The following CDC42SE2 variants were observed in gnomAD, a reference collection of about 807,000 sequenced individuals.
The protein encoded by CDC42SE2 is CDC42 small effector protein 2.
In CDC42SE2, 3 loss-of-function variants were observed where a neutral mutation model predicts 11.5. The observed-to-expected ratio is 0.26, with a 90% CI of 0.12 to 0.67. The LOEUF is 0.67. Ranked by LOEUF, CDC42SE2 falls within the 30% of genes least tolerant of loss-of-function variation. CDC42SE2 has a pLI of 0.80. For missense variants in CDC42SE2, 82 were observed against 106.8 expected (o/e 0.77, Z 1.02); for synonymous variants, 33 against 34.8 (o/e 0.95, Z 0.18).
Position 131,393,608 on chromosome 5 carries a change from C to T in CDC42SE2, c.*2517C>T, listed in dbSNP as rs887977046. The T allele has an allele frequency of 1.1e-4, 16 of 152,362 alleles. No homozygotes were observed. The highest frequency in any genetic ancestry group is 3.9e-4 in the African/African-American group (16 of 41,452). The allele number at this position is 152,362 out of a possible 1,614,324, so 9.4% of individuals were successfully genotyped here. Reference sequence around the variant, plus strand: ...GCACGGTCAGTTTCTTGGCCAGGGACATTGCTATGTGCTGTGTGCAAGCTC... The same window carrying T: ...GCACGGTCAGTTTCTTGGCCAGGGATATTGCTATGTGCTGTGTGCAAGCTC... On this transcript the variant is annotated 3_prime_UTR_variant, in exon 5 of 5. Coordinates refer to ENST00000505065, the MANE Select transcript of CDC42SE2 (RefSeq NM_001375635.1).
At chr5:131,330,991 C>G (rs965303685) in intron 2 of CDC42SE2, among the ~76,000 whole-genome samples, 28 of 151,950 alleles carry the variant, frequency 1.8e-4, no homozygotes, top group African/African-American at 6.8e-4. Context: ...GCACCATTGC[C>G]CTGCAGCCTG....
intron 3 of CDC42SE2, among the ~76,000 whole-genome samples, chr5:131,378,041 C>G (rs1364371919): frequency 6.6e-6 from 1 of 152,182 alleles, no homozygotes; most frequent in African/African-American, 2.4e-5. Context: ...GAAAATCAAA[C>G]TGTAAGCAAG....
At chr5:131,335,726 CCTT>C (rs1359190194) in intron 2 of CDC42SE2, among the ~76,000 whole-genome samples, 5 of 152,148 alleles carry the variant, frequency 3.3e-5, no homozygotes, top group East Asian at 1.9e-4. Flanking sequence ...TATGTAATGA[CCTT>C]CTTTGTCTCT....
intron 1 of CDC42SE2, among the ~76,000 whole-genome samples, chr5:131,247,929 C>T (rs538649060): frequency 3.3e-5 from 5 of 152,148 alleles, no homozygotes; most frequent in African/African-American, 1.2e-4. Context: ...CCATGAGCCA[C>T]CATGCCCAGC....
intron 2 of CDC42SE2, among the ~76,000 whole-genome samples, chr5:131,327,954 C>T (rs202108863): frequency 6.6e-6 from 1 of 152,216 alleles, no homozygotes; most frequent in East Asian, 1.9e-4. Flanking sequence ...TGTATTGGCT[C>T]ATGGTTTGGG....
intron 1 of CDC42SE2, among the ~76,000 whole-genome samples, chr5:131,294,897 G>C (rs1014070734): frequency 6.6e-6 from 1 of 152,164 alleles, no homozygotes; most frequent in African/African-American, 2.4e-5. Flanking sequence ...GGAGGCCGAG[G>C]TGGGCGGGTC....
At chr5:131,372,451 C>T (rs145742888) in intron 3 of CDC42SE2, among the ~76,000 whole-genome samples, 131 of 152,092 alleles carry the variant, frequency 8.6e-4, no homozygotes, top group African/African-American at 3.0e-3. Context: ...TGGTGGCTCA[C>T]GCCTGTAATC....
chr5:131,292,559 C>CAAAAAA (rs58166806), intron 1 of CDC42SE2, among the ~76,000 whole-genome samples: 5 of 117,880 alleles, frequency 4.2e-5, no homozygotes, highest in African/African-American at 1.7e-4. Flanking sequence ...GACTCCATCT[C>CAAAAAA]AAAAAAAAAA....
chr5:131,305,300 G>A (rs1361319865), intron 1 of CDC42SE2, among the ~76,000 whole-genome samples: 1 of 152,170 alleles, frequency 6.6e-6, no homozygotes, highest in African/African-American at 2.4e-5. Context: ...TTTAGACAAT[G>A]TAAATGTGGC....
chr5:131,357,330 G>C (rs913123896), intron 2 of CDC42SE2, among the ~76,000 whole-genome samples: 6 of 152,174 alleles, frequency 3.9e-5, no homozygotes, highest in African/African-American at 1.2e-4. Context: ...CTGGACTGTA[G>C]AATCAGGGTC....
intron 3 of CDC42SE2, among the ~76,000 whole-genome samples, chr5:131,375,643 G>A (rs1750130497): frequency 6.6e-6 from 1 of 152,088 alleles, no homozygotes; most frequent in Non-Finnish European, 1.5e-5. Flanking sequence ...TCCCACCGTA[G>A]AAGATACAGT....
the CDC42SE2 span, among the ~76,000 whole-genome samples, chr5:131,236,805 AGTCTG>A: frequency 6.6e-6 from 1 of 152,236 alleles, no homozygotes; most frequent in Non-Finnish European, 1.5e-5. Context: ...ACAAGACTTA[AGTCTG>A]ACCTTTACTA....
At chr5:131,288,073 A>G (rs542625952) in intron 1 of CDC42SE2, among the ~76,000 whole-genome samples, 1 of 152,082 alleles carries the variant, frequency 6.6e-6, no homozygotes, top group East Asian at 1.9e-4. Context: ...GTGAGACTCT[A>G]TCTCTATCAA....
rs1237253294 is a variant in CDC42SE2, at chr5:131,391,499, C to CCAT, written c.*410_*412dup. On this transcript the variant is annotated 3_prime_UTR_variant, in exon 5 of 5. Coordinates refer to ENST00000505065, the MANE Select transcript of CDC42SE2 (RefSeq NM_001375635.1). ...CTAGCCTGGCCAACATGGTGAAACC[C>CCAT]CATCTCTACTAAAAATACAAAAATT... The CCAT allele has an allele frequency of 2.6e-5, 4 of 152,546 alleles. No individual in the cohort carries two copies. Among genetic ancestry groups the CCAT allele is most frequent in the Admixed American group, 2.0e-4 (3 of 15,266 alleles). The allele number at this position is 152,546 out of a possible 1,614,324, so 9.4% of individuals were successfully genotyped here.
At chr5:131,390,499 A>T (rs968887174) in intron 4 of CDC42SE2, among the ~76,000 whole-genome samples, 1 of 152,142 alleles carries the variant, frequency 6.6e-6, no homozygotes, top group African/African-American at 2.4e-5. Context: ...AGCCTGGCCA[A>T]CATGGTGAAA....
rs1295277692 is a variant in CDC42SE2, at chr5:131,264,153, A to T, written c.-468A>T. On this transcript the variant is annotated 5_prime_UTR_variant, in exon 1 of 5. Coordinates refer to ENST00000505065, the MANE Select transcript of CDC42SE2 (RefSeq NM_001375635.1). ...GGGCTGCGGCCGGAGCGGGCGGCTG[A>T]GACAAAGGCGACGGTGAGTGCAATG... is the stretch of plus-strand genomic sequence containing the variant. 2.0e-5 allele frequency: 3 copies of T among 152,192 alleles called. No individual in the cohort carries two copies. Among genetic ancestry groups the T allele is most frequent in the Non-Finnish European group, 4.4e-5 (3 of 68,124 alleles). The allele number at this position is 152,192 out of a possible 1,614,324, so 9.4% of individuals were successfully genotyped here. A position where few individuals can be genotyped will look rare whatever the true frequency, so the allele number is the denominator to read the frequency against.
At chr5:131,237,799 G>A in the CDC42SE2 span, among the ~76,000 whole-genome samples, 2 of 152,022 alleles carry the variant, frequency 1.3e-5, no homozygotes, top group East Asian at 3.9e-4. Flanking sequence ...ATATTGCCCA[G>A]GCTTCTTCCA....
At chr5:131,308,648 A>AG (rs1319164582) in intron 1 of CDC42SE2, among the ~76,000 whole-genome samples, 18 of 149,148 alleles carry the variant, frequency 1.2e-4, no homozygotes, top group Non-Finnish European at 2.7e-4. Flanking sequence ...TTCTCCTTGA[A>AG]GAGGTCCTTC....
intron 1 of CDC42SE2, among the ~76,000 whole-genome samples, chr5:131,277,777 C>T (rs1439376578): frequency 6.6e-6 from 1 of 152,160 alleles, no homozygotes; most frequent in Non-Finnish European, 1.5e-5. Context: ...CCTCACCACT[C>T]AGTTAAAAAT....
Sources: gnomAD v4.1 joint callset for allele counts (sites outside exome capture counted in the v4.1 genomes callset) on GRCh38, gnomAD v4.1.1 for gene constraint, MANE v1.5 for transcripts, NCBI Gene and HGNC (gene_info 2026-07-23, HGNC 2026-07-21) for gene names.